Variants in SGMS1 observed in about 807,000 individuals in gnomAD.
SGMS1 encodes phosphatidylcholine:ceramide cholinephosphotransferase 1.
SGMS1 carries 13 observed loss-of-function variants against 46.2 expected under a neutral mutation model. The ratio of observed to expected loss-of-function variants is 0.28; its 90% confidence interval spans 0.18 to 0.45. SGMS1 has a LOEUF of 0.45. SGMS1 is among the 20% of genes least tolerant of loss of function. The probability of loss-of-function intolerance (pLI) is 1.00; values close to 1 mark genes in which losing one functional copy is unlikely to be tolerated. For synonymous variants in SGMS1, 203 were observed against 187.8 expected (o/e 1.08, Z -0.66); for missense variants, 324 against 519.9 (o/e 0.62, Z 3.66).
At chr10:50,593,426 G>C (rs6481433) in intron 1 of SGMS1, among the ~76,000 whole-genome samples, 99,538 of 152,144 alleles carry the variant, frequency 0.65, 32,965 homozygotes, top group African/African-American at 0.77. Context: ...GCAGTGATAA[G>C]TAACCTATCA....
At chr10:50,572,447 A>T (rs1351141044) in intron 2 of SGMS1, among the ~76,000 whole-genome samples, 2 of 152,128 alleles carry the variant, frequency 1.3e-5, no homozygotes, top group African/African-American at 4.8e-5. Context: ...TCACTGTTTC[A>T]AATGTGCTCT....
rs146335745 is a variant in SGMS1 at position 50,397,883 on chromosome 10, G to A, written c.-232+35593C>T. Among the ~76,000 whole-genome samples the A allele has an allele frequency of 4.6e-5, 7 of 152,280 alleles. No individual in the cohort carries two copies. The East Asian group carries it at 1.4e-3, about 29-fold the overall frequency. ...AAGTAAGTTATGTGACCTACGAAGG[G>A]CTGATGGTGACAGAATCTGCCTGAA... On this transcript the variant is annotated intron_variant, in intron 6 of 10. Coordinates refer to ENST00000361781, the MANE Select transcript of SGMS1 (RefSeq NM_147156.4).
chr10:50,614,790 T>C (rs1210028214), intron 1 of SGMS1, among the ~76,000 whole-genome samples: 2 of 152,254 alleles, frequency 1.3e-5, no homozygotes, highest in African/African-American at 2.4e-5. Context: ...CCTACTTCTG[T>C]TATTTCTGCC....
At chr10:50,541,257 T>C (rs1197976611) in intron 2 of SGMS1, among the ~76,000 whole-genome samples, 1 of 152,226 alleles carries the variant, frequency 6.6e-6, no homozygotes, top group Non-Finnish European at 1.5e-5. Flanking sequence ...CTTAATCCAG[T>C]AGAGATGTTA....
chr10:50,539,350 T>C (rs1425520743), intron 2 of SGMS1, among the ~76,000 whole-genome samples: 4 of 152,230 alleles, frequency 2.6e-5, no homozygotes, highest in African/African-American at 4.8e-5. Context: ...ATAGACTGTT[T>C]TCAACCTTAG....
At chr10:50,624,503 AG>A (rs1471057954), upstream of SGMS1, 11 of 741,130 alleles carry the variant, frequency 1.5e-5, no homozygotes, top group Non-Finnish European at 1.8e-5. Context: ...AGAAAAAAAA[AG>A]CCTCTGGCGA....
intron 6 of SGMS1, among the ~76,000 whole-genome samples, chr10:50,378,460 TAAAC>T (rs1280104826): frequency 1.3e-5 from 2 of 152,226 alleles, no homozygotes; most frequent in African/African-American, 4.8e-5. Flanking sequence ...CAGCAGATCA[TAAAC>T]AGAGACTGAG....
At chr10:50,349,348 T>C (rs1368165563) in intron 6 of SGMS1, among the ~76,000 whole-genome samples, 1 of 152,220 alleles carries the variant, frequency 6.6e-6, no homozygotes, top group Non-Finnish European at 1.5e-5. Flanking sequence ...AAACCATGAA[T>C]ACCTGTGGTA....
intron 2 of SGMS1, among the ~76,000 whole-genome samples, chr10:50,524,255 CA>C (rs1336132060): frequency 6.6e-6 from 1 of 152,156 alleles, no homozygotes; most frequent in Non-Finnish European, 1.5e-5. Context: ...CTCAAGTCTG[CA>C]TGTGTCCAGC....
chr10:50,563,571 G>A (rs1031481002), intron 2 of SGMS1, among the ~76,000 whole-genome samples: 5 of 150,714 alleles, frequency 3.3e-5, no homozygotes, highest in Non-Finnish European at 5.9e-5. Flanking sequence ...GTGAAACCCC[G>A]TCTCTACTAA....
intron 1 of SGMS1, among the ~76,000 whole-genome samples, chr10:50,615,544 AC>A (rs1195227644): frequency 6.6e-6 from 1 of 152,132 alleles, no homozygotes; most frequent in Non-Finnish European, 1.5e-5. Flanking sequence ...TGAGATCCAA[AC>A]CCAGGGTCCA....
chr10:50,364,664 A>G (rs11005356), intron 6 of SGMS1, among the ~76,000 whole-genome samples: 24,560 of 152,236 alleles, frequency 0.16, 2,450 homozygotes, highest in East Asian at 0.26. Flanking sequence ...GATGAGAACA[A>G]TAACACCATA....
chr10:50,406,617 A>G (rs1849019118), intron 6 of SGMS1, among the ~76,000 whole-genome samples: 1 of 151,942 alleles, frequency 6.6e-6, no homozygotes, highest in Non-Finnish European at 1.5e-5. Context: ...AGTAGATGCT[A>G]CCTATATCTG....
intron 1 of SGMS1, among the ~76,000 whole-genome samples, chr10:50,612,110 A>G (rs1316404458): frequency 2.6e-5 from 4 of 152,170 alleles, no homozygotes; most frequent in African/African-American, 9.7e-5. Context: ...ATCCTGCCCC[A>G]GGGCTTTTTT....
chr10:50,406,830 A>G (rs1285464526), intron 6 of SGMS1, among the ~76,000 whole-genome samples: 1 of 151,318 alleles, frequency 6.6e-6, no homozygotes, highest in Non-Finnish European at 1.5e-5. Flanking sequence ...TCAGCCTCCC[A>G]GGCAGCTAGG....
At chr10:50,325,066 T>C (rs980740646) in intron 8 of SGMS1, among the ~76,000 whole-genome samples, 1 of 152,188 alleles carries the variant, frequency 6.6e-6, no homozygotes, top group African/African-American at 2.4e-5. Flanking sequence ...ACCAATAGCA[T>C]TATGGTTTTG....
chr10:50,589,364 C>T (rs113106321), intron 2 of SGMS1, among the ~76,000 whole-genome samples: 2,345 of 152,180 alleles, frequency 0.015, 62 homozygotes, highest in African/African-American at 0.053. Flanking sequence ...TGGGCTCAAG[C>T]GATCCTCCCA....
chr10:50,623,916 G>T lies in SGMS1; in HGVS notation c.-893C>A, dbSNP rs964992280. 22 of 986,822 alleles carry T rather than the reference G, an allele frequency of 2.2e-5. No homozygotes were observed. The Middle Eastern group carries it at 1.6e-3, about 70-fold the overall frequency. 61.1% of individuals were successfully genotyped at this position (986,822 alleles called of 1,614,324 possible). A position where few individuals can be genotyped will look rare whatever the true frequency, so the allele number is the denominator to read the frequency against. ...GCCGCCCGCAGCCGCTGCCCCGCTG[G>T]TGCGAACGCTTTCGACTTGCCACCG... On this transcript the variant is annotated 5_prime_UTR_variant, in exon 1 of 11. Transcript: ENST00000361781.
intron 1 of SGMS1, among the ~76,000 whole-genome samples, chr10:50,617,706 C>T (rs188650570): frequency 9.1e-4 from 139 of 152,150 alleles, no homozygotes; most frequent in African/African-American, 2.7e-3. Flanking sequence ...CTCAGTCTCC[C>T]GAGTAGCTAG....
Sources: allele counts gnomAD v4.1 joint callset (sites outside exome capture counted in the v4.1 genomes callset), GRCh38; gene constraint gnomAD v4.1.1; transcripts MANE v1.5; gene names NCBI Gene and HGNC (gene_info 2026-07-23, HGNC 2026-07-21).